Variants in ATP8B1 observed in about 807,000 individuals in gnomAD.
ATP8B1 encodes the protein ATPase phospholipid transporting 8B1.
ATP8B1 carries 80 observed loss-of-function variants against 149.9 expected under a neutral mutation model. That is an observed-to-expected ratio of 0.53 (90% CI 0.45 to 0.64). The LOEUF (loss-of-function observed/expected upper bound fraction) is 0.64, where lower values mean the gene tolerates loss of function less well. Ranked by LOEUF, ATP8B1 falls within the 30% of genes least tolerant of loss-of-function variation. The pLI, the probability that ATP8B1 is intolerant of heterozygous loss-of-function variation, is 0.00. For missense variants in ATP8B1, 1,247 were observed against 1,552.6 expected, an observed-to-expected ratio of 0.80 and a Z score of 3.31; for synonymous variants, 536 against 562.8, an observed-to-expected ratio of 0.95 and a Z score of 0.67.
intron 2 of ATP8B1, among the ~76,000 whole-genome samples, chr18:57,707,723 G>A (rs1007332427): frequency 6.6e-6 from 1 of 151,142 alleles, no homozygotes; most frequent in Non-Finnish European, 1.5e-5. Flanking sequence ...TGGCCAGTCT[G>A]GTCTTGAACT....
At chr18:57,744,556 A>G (rs549738788) in intron 1 of ATP8B1, among the ~76,000 whole-genome samples, 4 of 152,214 alleles carry the variant, frequency 2.6e-5, no homozygotes, top group Non-Finnish European at 5.9e-5. Context: ...GAAAGTTACC[A>G]GGAGAAAACC....
intron 2 of ATP8B1, among the ~76,000 whole-genome samples, chr18:57,710,778 G>A (rs1488250377): frequency 1.3e-5 from 2 of 152,082 alleles, no homozygotes; most frequent in East Asian, 1.9e-4. Context: ...GGGGTTACAG[G>A]CGCCCACCAT....
chr18:57,661,641 A>T (rs1910417394), intron 21 of ATP8B1, among the ~76,000 whole-genome samples, 179 bp from the exon 22 acceptor site: 1 of 130,856 alleles, frequency 7.6e-6, no homozygotes, highest in South Asian at 2.5e-4. Flanking sequence ...GTATGTATAT[A>T]CACACGCACA....
intron 25 of ATP8B1, 29 bp downstream of exon 25, chr18:57,652,455 A>G (rs1909685540): frequency 6.2e-7 from 1 of 1,614,042 alleles, no homozygotes; most frequent in African/African-American, 1.3e-5. Flanking sequence ...ACCAATAGAC[A>G]CTGAATACGG....
chr18:57,729,100 A>G (rs2079735422), intron 2 of ATP8B1, among the ~76,000 whole-genome samples: 1 of 152,164 alleles, frequency 6.6e-6, no homozygotes, highest in African/African-American at 2.4e-5. Context: ...TGATCAGGAA[A>G]GGATCCTAAC....
At chr18:57,769,165 G>C (rs2080244928) in intron 1 of ATP8B1, among the ~76,000 whole-genome samples, 1 of 152,198 alleles carries the variant, frequency 6.6e-6, no homozygotes, top group Non-Finnish European at 1.5e-5. Context: ...AAAGAAAGCA[G>C]AGCCAAGTGT....
chr18:57,764,878 A>G (rs565882514), intron 1 of ATP8B1, among the ~76,000 whole-genome samples: 28 of 152,242 alleles, frequency 1.8e-4, no homozygotes, highest in Non-Finnish European at 2.8e-4. Context: ...AAACAGCATA[A>G]TGGTTCCTCA....
intron 24 of ATP8B1, 150 bp from the exon 25 acceptor site, chr18:57,652,879 A>G: frequency 1.0e-6 from 1 of 977,844 alleles, no homozygotes; most frequent in Non-Finnish European, 1.6e-6. Context: ...ATCCTGCAAT[A>G]TTTGTGGTGT....
intron 20 of ATP8B1, among the ~76,000 whole-genome samples, chr18:57,665,955 T>A (rs1910830764): frequency 6.6e-6 from 1 of 152,180 alleles, no homozygotes; most frequent in Non-Finnish European, 1.5e-5. Context: ...ATTTAGATCA[T>A]AAGGCTACTG....
At chr18:57,655,946 C>A (rs1909968822) in intron 22 of ATP8B1, among the ~76,000 whole-genome samples, 1 of 152,192 alleles carries the variant, frequency 6.6e-6, no homozygotes, top group Admixed American at 6.5e-5. Context: ...CTGTTTAGAT[C>A]CACTTATGAC....
intron 26 of ATP8B1, among the ~76,000 whole-genome samples, chr18:57,650,959 A>T (rs1158554329): frequency 6.6e-6 from 1 of 152,218 alleles, no homozygotes; most frequent in Non-Finnish European, 1.5e-5. Context: ...TGGCTCAAAG[A>T]ACAGACATTT....
chr18:57,760,716 C>T (rs141142542), intron 1 of ATP8B1, among the ~76,000 whole-genome samples: 17 of 152,186 alleles, frequency 1.1e-4, no homozygotes, highest in African/African-American at 3.4e-4. Context: ...GTTGGCCGGG[C>T]GCAGTGGCTC....
Position 57,704,566 on chromosome 18 carries a change from G to A in ATP8B1, c.382C>T (p.Leu128Phe). 6.3e-7 allele frequency: 1 copy of A among 1,590,058 alleles called. No homozygotes were observed. The highest frequency in any genetic ancestry group is 8.6e-7 in the Non-Finnish European group (1 of 1,158,386). Residue 128 changes from leucine (L) to phenylalanine (F), a missense_variant, in exon 4 of 28, where the codon CTT (leucine) becomes TTT (phenylalanine). This residue lies in a region of ATP8B1 where 853 missense variants were observed against 1,035.7 expected (regional missense o/e 0.82). Transcript: ENST00000648908. ...GCAAAGGGCATTACCTGTAAGATAA[G>A]AAGAGCCAGGAAATATAAATTGGCT... ...RAANLYFLAL[L>F]ILQAVPQIST...
At chr18:57,681,750 G>T (rs1027993125) in intron 15 of ATP8B1, among the ~76,000 whole-genome samples, 2 of 151,986 alleles carry the variant, frequency 1.3e-5, no homozygotes, top group South Asian at 2.1e-4. Flanking sequence ...GCAGTGAGCC[G>T]AGATCATGCC....
At chr18:57,786,046 G>A (rs935516238) in intron 1 of ATP8B1, among the ~76,000 whole-genome samples, 2 of 152,164 alleles carry the variant, frequency 1.3e-5, no homozygotes, top group Non-Finnish European at 2.9e-5. Flanking sequence ...GCTAATGCTA[G>A]TACCTATCAG....
intron 2 of ATP8B1, among the ~76,000 whole-genome samples, chr18:57,727,743 C>T (rs1047965348): frequency 3.3e-5 from 5 of 152,096 alleles, no homozygotes; most frequent in East Asian, 1.9e-4. Flanking sequence ...GCCGATATCG[C>T]GCCTCTGCTC....
intron 1 of ATP8B1, among the ~76,000 whole-genome samples, chr18:57,775,006 G>A (rs573197592): frequency 6.6e-6 from 1 of 152,284 alleles, no homozygotes; most frequent in East Asian, 1.9e-4. Context: ...CAGAGGAGAT[G>A]AGAAAGAGAA....
Position 57,647,103 on chromosome 18 carries a change from C to T in ATP8B1, c.*1385G>A, listed in dbSNP as rs925574092. On this transcript the variant is annotated 3_prime_UTR_variant, in exon 28 of 28. Coordinates refer to ENST00000648908, the MANE Select transcript of ATP8B1 (RefSeq NM_001374385.1). ...CTTTGTTCAAGTCCCTGATAAAATA[C>T]TTTGCATATAGGCAGGCACAAAAGT... 5 of 152,202 alleles carry T rather than the reference C, an allele frequency of 3.3e-5. No homozygotes were observed. The highest frequency in any genetic ancestry group is 2.9e-5 in the Non-Finnish European group (2 of 68,032). 9.4% of individuals were successfully genotyped at this position (152,202 alleles called of 1,614,324 possible). A position where few individuals can be genotyped will look rare whatever the true frequency, so the allele number is the denominator to read the frequency against.
At chr18:57,783,763 A>C (rs2080379549) in intron 1 of ATP8B1, among the ~76,000 whole-genome samples, 1 of 152,130 alleles carries the variant, frequency 6.6e-6, no homozygotes. Context: ...TTGAACTGGG[A>C]GGCAGAGGTT....
Sources: gnomAD v4.1 joint callset for allele counts (sites outside exome capture counted in the v4.1 genomes callset) on GRCh38, gnomAD v4.1.1 for gene constraint, gnomAD v4.1.1 regional missense constraint, MANE v1.5 for transcripts, NCBI Gene and HGNC (gene_info 2026-07-23, HGNC 2026-07-21) for gene names.